The following ANKRD27 variants were observed in gnomAD, a reference collection of about 807,000 sequenced individuals.
The protein encoded by ANKRD27 is ankyrin repeat domain-containing protein 27.
In ANKRD27, 112 loss-of-function variants were observed where a neutral mutation model predicts 129.7. The observed-to-expected ratio is 0.86, with a 90% confidence interval of 0.74 to 1.01. The LOEUF (loss-of-function observed/expected upper bound fraction) is 1.01. Among genes scored for constraint, ANKRD27 ranks in the 50% least tolerant of loss-of-function variants. The pLI, the probability that ANKRD27 is intolerant of heterozygous loss-of-function variation, is 0.00. For missense variants in ANKRD27, 1,258 were observed against 1,300.5 expected (o/e 0.97, Z 0.50); for synonymous variants, 516 against 511.2 (o/e 1.01, Z -0.13).
intron 17 of ANKRD27, among the ~76,000 whole-genome samples, chr19:32,623,501 G>A (rs1038764072): frequency 6.6e-6 from 1 of 151,686 alleles, no homozygotes; most frequent in South Asian, 2.1e-4. Flanking sequence ...CCAACTCACT[G>A]CTGGAAGAAC....
intron 20 of ANKRD27, among the ~76,000 whole-genome samples, chr19:32,618,085 A>C (rs959536572): frequency 6.6e-6 from 1 of 151,956 alleles, no homozygotes; most frequent in Non-Finnish European, 1.5e-5. Flanking sequence ...ATGTGTCCCT[A>C]AAACTGCTCA....
chr19:32,597,923 G>C lies in ANKRD27; in HGVS notation c.*222C>G, dbSNP rs1484981926. 1.7e-6 allele frequency: 1 copy of C among 578,972 alleles called. No homozygotes were observed. The highest frequency in any genetic ancestry group is 3.0e-5 in the Admixed American group (1 of 33,224). The allele number at this position is 578,972 out of a possible 1,614,324, so 35.9% of individuals were successfully genotyped here. On this transcript the variant is annotated 3_prime_UTR_variant, in exon 29 of 29. Transcript: ENST00000306065. ...CTGGATGCTACTGGAATTTTTGTCT[G>C]TTTCAATTGTATTCATTAGCTTTGA...
At chr19:32,671,891 T>A (rs1386883959) in intron 1 of ANKRD27, among the ~76,000 whole-genome samples, 1 of 152,124 alleles carries the variant, frequency 6.6e-6, no homozygotes, top group Non-Finnish European at 1.5e-5. Flanking sequence ...ACCAAATACC[T>A]CTAAATGTGA....
At chr19:32,649,885 A>C in intron 2 of ANKRD27, 93 bp from the exon 3 acceptor site, 1 of 828,622 alleles carries the variant, frequency 1.2e-6, no homozygotes. Flanking sequence ...AGCTGGACAC[A>C]CAGCGGGACC....
At position 32,597,940 on chromosome 19, in the gene ANKRD27, T is replaced by C; in HGVS notation, c.*205A>G. 1.7e-6 allele frequency: 1 copy of C among 591,138 alleles called. No homozygotes were observed. 36.6% of individuals were successfully genotyped at this position (591,138 alleles called of 1,614,324 possible). ...TTTTGTCTGTTTCAATTGTATTCAT[T>C]AGCTTTGAAGAGGAGAGAGATGGTG... On this transcript the variant is annotated 3_prime_UTR_variant, in exon 29 of 29. Coordinates refer to ENST00000306065, the MANE Select transcript of ANKRD27 (RefSeq NM_032139.3).
chr19:32,619,007 A>G lies in ANKRD27; in HGVS notation c.2007+253T>C, dbSNP rs551613063. Among the ~76,000 whole-genome samples, 5 of 152,328 alleles carry G rather than the reference A, an allele frequency of 3.3e-5. No individual in the cohort carries two copies. In the South Asian group the frequency reaches 1.0e-3, roughly 32 times the overall value. On this transcript the variant is annotated intron_variant, in intron 20 of 28. Coordinates refer to ENST00000306065, the MANE Select transcript of ANKRD27 (RefSeq NM_032139.3). ...TTAGCCTATCCTCTCTTTAATACAC[A>G]AACGCACTCTACCACACTAATTGCT...
At chr19:32,616,879 G>A (rs749878681) in intron 21 of ANKRD27, among the ~76,000 whole-genome samples, 48 of 152,126 alleles carry the variant, frequency 3.2e-4, no homozygotes, top group African/African-American at 7.0e-4. Flanking sequence ...CTCTGCCTTC[G>A]CCTCTCTACT....
chr19:32,606,939 CAAAAAAAAAAAAAA>C (rs532062312), intron 23 of ANKRD27, among the ~76,000 whole-genome samples: 14 of 65,648 alleles, frequency 2.1e-4, no homozygotes, highest in East Asian at 1.8e-3. Flanking sequence ...CCCATCTCCA[CAAAAAAAAAAAAAA>C]AAAAAAAAAA....
At position 32,644,317 on chromosome 19, in the gene ANKRD27, C is replaced by T. The variant is rs779090393; in HGVS notation, c.525+8G>A. Reference sequence around the variant, plus strand: ...GCACGCCAGGCAGAGGACAGCACGGCTACTGACTATGTGGTGACGGAGGCT... The same window carrying T: ...GCACGCCAGGCAGAGGACAGCACGGTTACTGACTATGTGGTGACGGAGGCT... On this transcript the variant is annotated splice_region_variant and intron_variant, in intron 5 of 28. Transcript: ENST00000306065. The T allele has an allele frequency of 1.2e-6, 2 of 1,611,072 alleles. No homozygotes were observed. The highest frequency in any genetic ancestry group is 1.3e-5 in the African/African-American group (1 of 74,966).
At chr19:32,642,312 GA>G (rs2062476640) in intron 9 of ANKRD27, among the ~76,000 whole-genome samples, 167 bp from the exon 10 acceptor site, 1 of 151,892 alleles carries the variant, frequency 6.6e-6, no homozygotes, top group South Asian at 2.1e-4. Context: ...CGGCAAAACA[GA>G]AGAGCCTTCA....
At chr19:32,599,617 G>T in intron 28 of ANKRD27, 87 bp downstream of exon 28, 1 of 1,200,176 alleles carries the variant, frequency 8.3e-7, no homozygotes, top group Non-Finnish European at 1.2e-6. Flanking sequence ...TGAAGATGAC[G>T]ATCAAGGAGA....
intron 10 of ANKRD27, 82 bp from the exon 11 acceptor site, chr19:32,640,467 C>A (rs1190667044): frequency 2.7e-6 from 3 of 1,119,868 alleles, no homozygotes; most frequent in Middle Eastern, 2.0e-4. Flanking sequence ...CCACCGCACA[C>A]CTTGTGAAAC....
chr19:32,614,059 G>A (rs550848387), intron 22 of ANKRD27, among the ~76,000 whole-genome samples: 2 of 152,102 alleles, frequency 1.3e-5, no homozygotes, highest in East Asian at 1.9e-4. Context: ...GGTTGCCAGC[G>A]GTTGGGGATG....
chr19:32,673,515 C>G, intron 1 of ANKRD27: 1 of 924,728 alleles, frequency 1.1e-6, no homozygotes, highest in Non-Finnish European at 1.3e-6. Context: ...GGACCTGGCA[C>G]ATCTGGCCTC....
intron 23 of ANKRD27, 34 bp from the exon 24 acceptor site, chr19:32,605,988 C>T: frequency 6.4e-7 from 1 of 1,561,412 alleles, no homozygotes; most frequent in South Asian, 1.2e-5. Context: ...CAAACTTAAT[C>T]AAAATTTCTG....
chr19:32,648,965 TTTG>T (rs934800884), intron 3 of ANKRD27, among the ~76,000 whole-genome samples: 7 of 103,200 alleles, frequency 6.8e-5, no homozygotes, highest in African/African-American at 2.9e-4. Flanking sequence ...GTTTTTTGGG[TTTG>T]TTTTTTTTTT....
Position 32,598,254 on chromosome 19 carries a change from T to C in ANKRD27, c.3044A>G (p.His1015Arg). ...RPGLTQTGPG[H>R]RRMLRRHTVE... ...CGTGTGTCTCCGCAGCATCCGTCTG[T>C]GTCCAGGGCCAGTCTGTGTCAGTCC... The change falls in exon 29 of 29, where the codon CAC (histidine) becomes CGC (arginine). Residue 1015 changes from histidine (H) to arginine (R), a missense_variant. Transcript: ENST00000306065. 1 of 1,614,186 alleles carries C rather than the reference T, an allele frequency of 6.2e-7. No homozygotes were observed. The highest frequency in any genetic ancestry group is 8.5e-7 in the Non-Finnish European group (1 of 1,180,028).
intron 13 of ANKRD27, among the ~76,000 whole-genome samples, chr19:32,629,174 G>A (rs761988549): frequency 4.6e-5 from 7 of 152,082 alleles, no homozygotes; most frequent in Non-Finnish European, 8.8e-5. Flanking sequence ...ACCCATCTCG[G>A]CCTCCCGAAG....
At chr19:32,656,392 G>A (rs893841850) in intron 2 of ANKRD27, among the ~76,000 whole-genome samples, 4 of 152,196 alleles carry the variant, frequency 2.6e-5, no homozygotes, top group Non-Finnish European at 5.9e-5. Context: ...CTTGCGTCCC[G>A]TACTTTTCCT....
Sources: gnomAD v4.1 joint callset for allele counts (sites outside exome capture counted in the v4.1 genomes callset) on GRCh38, gnomAD v4.1.1 for gene constraint, MANE v1.5 for transcripts, NCBI Gene and HGNC (gene_info 2026-07-23, HGNC 2026-07-21) for gene names.